Variants in EHD4 observed in about 807,000 individuals in gnomAD.
EHD4 encodes EH domain containing 4.
Under a neutral mutation model 51.0 loss-of-function variants are expected in EHD4, and 37 were observed. The ratio of observed to expected loss-of-function variants is 0.73; its 90% CI spans 0.56 to 0.95. The LOEUF is 0.95. Ranked by LOEUF, EHD4 falls within the 40% of genes least tolerant of loss-of-function variation. EHD4 has a pLI of 0.00. For missense variants in EHD4, 632 were observed against 733.1 expected (o/e 0.86, Z 1.59); for synonymous variants, 297 against 317.3 (o/e 0.94, Z 0.68).
Position 41,900,326 on chromosome 15 carries a change from T to C in EHD4, c.*319A>G. On this transcript the variant is annotated 3_prime_UTR_variant, in exon 6 of 6. Coordinates refer to ENST00000220325, the MANE Select transcript of EHD4 (RefSeq NM_139265.4). This position sits in a 1 kb window ranked among gnomAD's most constrained non-coding sequence, Gnocchi z 4.8. The stretch of plus-strand genomic sequence containing the variant: ...GTGAGCCTTAGCTCACTTCCTGTGG[T>C]TCCTGGGACTTACCAGGCCCACCCC... 3.0e-6 allele frequency: 1 copy of C among 336,930 alleles called. No homozygotes were observed. The highest frequency in any genetic ancestry group is 5.4e-6 in the Non-Finnish European group (1 of 184,162). 20.9% of individuals were successfully genotyped at this position (336,930 alleles called of 1,614,324 possible). A position where few individuals can be genotyped will look rare whatever the true frequency, so the allele number is the denominator to read the frequency against.
chr15:41,967,145 G>T (rs2067966686), intron 1 of EHD4, among the ~76,000 whole-genome samples: 1 of 152,074 alleles, frequency 6.6e-6, no homozygotes, highest in African/African-American at 2.4e-5. Flanking sequence ...GTACTCCCCA[G>T]TTACCCCAGA....
chr15:41,962,704 C>T (rs1353844028), intron 1 of EHD4, among the ~76,000 whole-genome samples: 1 of 151,888 alleles, frequency 6.6e-6, no homozygotes, highest in Non-Finnish European at 1.5e-5. Context: ...GCCGCCGCCC[C>T]GTCTGGGAGG....
intron 1 of EHD4, among the ~76,000 whole-genome samples, chr15:41,970,273 T>C (rs2067987220): frequency 6.6e-6 from 1 of 152,226 alleles, no homozygotes; most frequent in Non-Finnish European, 1.5e-5. Context: ...GTCTACCTTG[T>C]GTACATCACC....
rs116587578 is a variant in EHD4 at position 41,927,338 on chromosome 15, A to C, written c.512-7716T>G. Among the ~76,000 whole-genome samples the C allele has an allele frequency of 7.0e-3, 1,073 of 152,338 alleles. 9 individuals carry two copies. The highest frequency in any genetic ancestry group is 0.025 in the African/African-American group (1,024 of 41,578). ...GAACTGAAATCAGGACTTTGAAGAG[A>C]TATCTGCACACCCATGTTCACTGCA... On this transcript the variant is annotated intron_variant, in intron 3 of 5. Coordinates refer to ENST00000220325, the MANE Select transcript of EHD4 (RefSeq NM_139265.4).
At chr15:41,923,469 T>C (rs2067641072) in intron 3 of EHD4, among the ~76,000 whole-genome samples, 1 of 152,218 alleles carries the variant, frequency 6.6e-6, no homozygotes, top group African/African-American at 2.4e-5. Context: ...CAGAAGGACC[T>C]AGAGACCACT....
intron 3 of EHD4, among the ~76,000 whole-genome samples, chr15:41,930,266 C>T (rs1486452518): frequency 6.6e-6 from 1 of 152,160 alleles, no homozygotes; most frequent in Admixed American, 6.5e-5. Context: ...TGGAAATTGT[C>T]CATTCCTCAT....
chr15:41,970,802 G>GT (rs1212643525), intron 1 of EHD4, among the ~76,000 whole-genome samples: 1 of 152,180 alleles, frequency 6.6e-6, no homozygotes, highest in Non-Finnish European at 1.5e-5. Flanking sequence ...TGTTTCAACA[G>GT]TACCGCTTCC....
chr15:41,919,622 C>A lies in EHD4; in HGVS notation c.512G>T (p.Gly171Val), dbSNP rs2067610862. Residue 171 changes from glycine to valine, a missense_variant and splice_region_variant, in exon 4 of 6, where the codon GGC becomes GTC. Transcript: ENST00000220325. The stretch of plus-strand genomic sequence containing the variant: ...CTGCAGGACCTGGCAGAAGTCATAG[C>A]CTGGGTGGAGAGAAGGACACGTCAG... Reference protein sequence around the residue: ...LSGEKQRISRGYDFCQVLQWF... With the variant: ...LSGEKQRISRVYDFCQVLQWF... 6.6e-7 allele frequency: 1 copy of A among 1,510,026 alleles called. No individual in the cohort carries two copies. The highest frequency in any genetic ancestry group is 1.4e-5 in the African/African-American group (1 of 71,492). The allele number at this position is 1,510,026 out of a possible 1,614,324, so 93.5% of individuals were successfully genotyped here.
chr15:41,970,214 T>G (rs912907507), intron 1 of EHD4, among the ~76,000 whole-genome samples: 2 of 152,252 alleles, frequency 1.3e-5, no homozygotes, highest in Non-Finnish European at 2.9e-5. Flanking sequence ...AGGTCTCCTG[T>G]GGCCTCACCA....
At chr15:41,940,662 G>A (rs2067763774) in intron 3 of EHD4, among the ~76,000 whole-genome samples, 1 of 152,182 alleles carries the variant, frequency 6.6e-6, no homozygotes, top group Non-Finnish European at 1.5e-5. Context: ...TGCTATTTCT[G>A]TGCATAGGAT....
At position 41,960,245 on chromosome 15, in the gene EHD4, T is replaced by C. The variant is rs748996467; in HGVS notation, c.237-6305A>G. On this transcript the variant is annotated intron_variant, in intron 1 of 5. Coordinates refer to ENST00000220325, the MANE Select transcript of EHD4 (RefSeq NM_139265.4). ...CCATGGGAGCAGGTATTTTTATTCC[T>C]AGTTTATAGAGGAGAAAACTGCTTA... 1.1e-4 allele frequency among the ~76,000 whole-genome samples: 17 copies of C among 152,356 alleles called. 1 individual carries two copies. The South Asian group carries it at 1.4e-3, about 13-fold the overall frequency.
At chr15:41,962,769 C>T (rs1304675505) in intron 1 of EHD4, among the ~76,000 whole-genome samples, 1 of 151,992 alleles carries the variant, frequency 6.6e-6, no homozygotes, top group Non-Finnish European at 1.5e-5. Context: ...CCCCTCTGCC[C>T]GGCCGCCACC....
At chr15:41,923,006 C>T (rs924517453) in intron 3 of EHD4, among the ~76,000 whole-genome samples, 1 of 152,176 alleles carries the variant, frequency 6.6e-6, no homozygotes, top group Admixed American at 6.5e-5. Context: ...AGAGGTTGGT[C>T]TGCTTACCAC....
chr15:41,968,159 C>G (rs2067972840), intron 1 of EHD4, among the ~76,000 whole-genome samples: 1 of 152,132 alleles, frequency 6.6e-6, no homozygotes, highest in Non-Finnish European at 1.5e-5. Flanking sequence ...GCACTTTTAC[C>G]TTCTCAGCCC....
intron 3 of EHD4, among the ~76,000 whole-genome samples, chr15:41,920,987 A>G (rs1314611795): frequency 6.6e-6 from 1 of 152,226 alleles, no homozygotes; most frequent in Non-Finnish European, 1.5e-5. Flanking sequence ...TCTGAGGTGA[A>G]TAATCTATTA....
At chr15:41,956,882 T>G (rs1176017533) in intron 1 of EHD4, among the ~76,000 whole-genome samples, 1 of 152,196 alleles carries the variant, frequency 6.6e-6, no homozygotes, top group African/African-American at 2.4e-5. Context: ...GAAATACCAG[T>G]AAAGACAGAG....
Position 41,972,547 on chromosome 15 carries a change from C to T in EHD4, c.-53G>A. On this transcript the variant is annotated 5_prime_UTR_variant, in exon 1 of 6. Coordinates refer to ENST00000220325, the MANE Select transcript of EHD4 (RefSeq NM_139265.4). ...ACCCTGCTCCGGGTTCGACTCTCCC[C>T]GGCTCGCACTGAGCCGCCCCGGCCG... is the stretch of plus-strand genomic sequence containing the variant. The T allele has an allele frequency of 1.4e-6, 2 of 1,416,520 alleles. No individual in the cohort carries two copies. The highest frequency in any genetic ancestry group is 1.8e-6 in the Non-Finnish European group (2 of 1,091,850). The allele number at this position is 1,416,520 out of a possible 1,614,324, so 87.7% of individuals were successfully genotyped here.
chr15:41,932,065 C>T (rs192922643), intron 3 of EHD4, among the ~76,000 whole-genome samples: 1 of 152,222 alleles, frequency 6.6e-6, no homozygotes, highest in African/African-American at 2.4e-5. Flanking sequence ...ACACTTGCAC[C>T]GTACATGCTA....
intron 4 of EHD4, among the ~76,000 whole-genome samples, chr15:41,918,597 T>A (rs2067601301): frequency 6.6e-6 from 1 of 152,182 alleles, no homozygotes; most frequent in African/African-American, 2.4e-5. Context: ...GCTGAAAGGC[T>A]CAGCTATGAG....
Sources: gnomAD v4.1 joint callset for allele counts (sites outside exome capture counted in the v4.1 genomes callset) on GRCh38, gnomAD v4.1.1 for gene constraint, Gnocchi (gnomAD v3.1) non-coding constraint, MANE v1.5 for transcripts, NCBI Gene and HGNC (gene_info 2026-07-23, HGNC 2026-07-21) for gene names.